The following ZBTB10 variants were observed in gnomAD, a reference collection of about 807,000 sequenced individuals.
ZBTB10 encodes zinc finger and BTB domain-containing protein 10.
ZBTB10 carries 32 observed loss-of-function variants against 76.4 expected under a neutral mutation model. The ratio of observed to expected loss-of-function variants is 0.42; its 90% confidence interval spans 0.32 to 0.56. The LOEUF is 0.56. ZBTB10 is among the 20% of genes least tolerant of loss of function. The pLI, the probability that ZBTB10 is intolerant of heterozygous loss-of-function variation, is 0.14. For missense variants in ZBTB10, 1,057 were observed against 1,098.5 expected (o/e 0.96, Z 0.53); for synonymous variants, 523 against 432.9 (o/e 1.21, Z -2.58).
chr8:80,501,222 C>A (rs1815916734), intron 2 of ZBTB10, among the ~76,000 whole-genome samples: 3 of 152,170 alleles, frequency 2.0e-5, no homozygotes. Context: ...TCCACTGTCA[C>A]CTGATTTTCA....
At chr8:80,513,842 AAG>A in intron 2 of ZBTB10, 66 bp from the exon 3 acceptor site, 1 of 1,221,954 alleles carries the variant, frequency 8.2e-7, no homozygotes. Context: ...AGTTCCAAGA[AAG>A]AGTGGTGTTT....
In ZBTB10 at chr8:80,486,991, C is replaced by G; in HGVS notation, c.181C>G (p.Arg61Gly). The change falls in exon 1 of 6, where the codon CGG becomes GGG. Residue 61 changes from arginine (R) to glycine (G), a missense_variant. This residue lies in a region of ZBTB10 where 556 missense variants were observed against 451.7 expected (regional missense o/e 1.23). Coordinates refer to ENST00000455036, the MANE Select transcript of ZBTB10 (RefSeq NM_001105539.3). Reference sequence around the variant, plus strand: ...GCCCGCGCTTCAGCCGCCTAATGGGCGGGGGGCCGACGAGGAAGTGGAATT... The same window carrying G: ...GCCCGCGCTTCAGCCGCCTAATGGGGGGGGGGCCGACGAGGAAGTGGAATT... Reference protein sequence around the residue: ...APPALQPPNGRGADEEVELEG... With the variant: ...APPALQPPNGGGADEEVELEG... 1 of 1,513,760 alleles carries G rather than the reference C, an allele frequency of 6.6e-7. No homozygotes were observed. The highest frequency in any genetic ancestry group is 8.8e-7 in the Non-Finnish European group (1 of 1,136,188). 93.8% of individuals were successfully genotyped at this position (1,513,760 alleles called of 1,614,324 possible). A position where few individuals can be genotyped will look rare whatever the true frequency, so the allele number is the denominator to read the frequency against.
chr8:80,511,703 A>G (rs1479034503), intron 2 of ZBTB10, among the ~76,000 whole-genome samples: 2 of 152,204 alleles, frequency 1.3e-5, no homozygotes, highest in Non-Finnish European at 2.9e-5. Context: ...ACTAAATTTC[A>G]ATTAAATATT....
chr8:80,519,583 A>G lies in ZBTB10; in HGVS notation c.*55A>G, dbSNP rs923526259. On this transcript the variant is annotated 3_prime_UTR_variant, in exon 6 of 6. Coordinates refer to ENST00000455036, the MANE Select transcript of ZBTB10 (RefSeq NM_001105539.3). ...CATTTGGACCTAATATGAATCGACAATTTGGATTGTTGAACTTGAAGGCTT... is the reference window on the plus strand; with the variant it reads ...CATTTGGACCTAATATGAATCGACAGTTTGGATTGTTGAACTTGAAGGCTT... 1.5e-5 allele frequency: 23 copies of G among 1,501,458 alleles called. No individual in the cohort carries two copies. The highest frequency in any genetic ancestry group is 2.8e-5 in the African/African-American group (2 of 72,376). The allele number at this position is 1,501,458 out of a possible 1,614,324, so 93.0% of individuals were successfully genotyped here. A position where few individuals can be genotyped will look rare whatever the true frequency, so the allele number is the denominator to read the frequency against.
rs1015291650 is a variant in ZBTB10, at chr8:80,522,232, TAAGAA to T, written c.*2705_*2709del. ...AAAATTTCAGGAAGTTGATAGATAC[TAAGAA>T]CTTATGATTGGTCTCAGAGGTAACA... On this transcript the variant is annotated 3_prime_UTR_variant, in exon 6 of 6. Transcript: ENST00000455036. 2 of 151,978 alleles carry T rather than the reference TAAGAA, an allele frequency of 1.3e-5. No individual in the cohort carries two copies. The highest frequency in any genetic ancestry group is 2.9e-5 in the Non-Finnish European group (2 of 67,862). The allele number at this position is 151,978 out of a possible 1,614,324, so 9.4% of individuals were successfully genotyped here.
chr8:80,503,771 A>G (rs1815983010), intron 2 of ZBTB10, among the ~76,000 whole-genome samples: 1 of 152,140 alleles, frequency 6.6e-6, no homozygotes. Context: ...TGATCTGCCC[A>G]CTTTGGCCTC....
rs778809644 is a variant in ZBTB10, at chr8:80,500,302, C to T, written c.1781C>T (p.Thr594Met). The change falls in exon 2 of 6, where the codon ACG becomes ATG. Residue 594 changes from threonine (T) to methionine (M), a missense_variant. Around this residue, in one of 5 missense-constraint regions of ZBTB10, gnomAD observed 306 missense variants for 297.5 expected, o/e 1.03. Transcript: ENST00000455036. ...TATAATATTCCACCTAATAATGAAACGAATTTAGAAGATTGCTCAGTAATG... is the reference window on the plus strand; with the variant it reads ...TATAATATTCCACCTAATAATGAAATGAATTTAGAAGATTGCTCAGTAATG... ...FIYNIPPNNE[T>M]NLEDCSVMQP... The T allele has an allele frequency of 5.8e-5, 91 of 1,580,080 alleles. No homozygotes were observed. Among genetic ancestry groups the T allele is most frequent in the East Asian group, 1.8e-4 (8 of 43,392 alleles).
rs1815562662 is a variant in ZBTB10 at position 80,489,233 on chromosome 8, T to C, written c.972+1451T>C. On this transcript the variant is annotated intron_variant, in intron 1 of 5. Coordinates refer to ENST00000455036, the MANE Select transcript of ZBTB10 (RefSeq NM_001105539.3). Reference sequence around the variant, plus strand: ...TAACTAGCTTTGTGAGCTTGGGCAATAGAGTGAAATGGAACTAACAGCTCC... The same window carrying C: ...TAACTAGCTTTGTGAGCTTGGGCAACAGAGTGAAATGGAACTAACAGCTCC... Among the ~76,000 whole-genome samples the C allele has an allele frequency of 3.9e-5, 6 of 152,174 alleles. No individual in the cohort carries two copies. The South Asian group carries it at 1.2e-3, about 32-fold the overall frequency.
rs749504019 is a variant in ZBTB10, at chr8:80,487,150, C to G, written c.340C>G (p.Leu114Val). 1 of 1,515,976 alleles carries G rather than the reference C, an allele frequency of 6.6e-7. No homozygotes were observed. The highest frequency in any genetic ancestry group is 8.8e-7 in the Non-Finnish European group (1 of 1,134,662). The allele number at this position is 1,515,976 out of a possible 1,614,324, so 93.9% of individuals were successfully genotyped here. A position where few individuals can be genotyped will look rare whatever the true frequency, so the allele number is the denominator to read the frequency against. The change falls in exon 1 of 6, where the codon CTG becomes GTG. Residue 114 changes from leucine (L) to valine (V), a missense_variant. This residue lies in a region of ZBTB10 where 556 missense variants were observed against 451.7 expected (regional missense o/e 1.23). Transcript: ENST00000455036. The part of the protein sequence containing the change: ...TSLGGGAGGP[L>V]LAERNRRTLA... The stretch of plus-strand genomic sequence containing the variant: ...GCTTGGCGGTGGCGCGGGGGGCCCC[C>G]TGCTAGCGGAAAGGAACCGTCGGAC...
At chr8:80,509,161 C>T (rs1340528289) in intron 2 of ZBTB10, among the ~76,000 whole-genome samples, 1 of 152,020 alleles carries the variant, frequency 6.6e-6, no homozygotes, top group Non-Finnish European at 1.5e-5. Context: ...TTACTCTCCA[C>T]TGAAAGGAGA....
At chr8:80,508,043 T>C (rs963901216) in intron 2 of ZBTB10, among the ~76,000 whole-genome samples, 4 of 152,246 alleles carry the variant, frequency 2.6e-5, no homozygotes, top group Non-Finnish European at 5.9e-5. Flanking sequence ...GTTTCCCCTT[T>C]TGCTGTGCTT....
intron 1 of ZBTB10, among the ~76,000 whole-genome samples, chr8:80,498,529 A>G (rs779954225): frequency 6.6e-5 from 10 of 152,202 alleles, no homozygotes; most frequent in Non-Finnish European, 1.2e-4. Context: ...AAAGTGCTGG[A>G]GGGATATTCA....
In ZBTB10 at chr8:80,525,057, A is replaced by G. The variant is rs769258152; in HGVS notation, c.*5529A>G. 1.1e-4 allele frequency: 16 copies of G among 152,104 alleles called. No individual in the cohort carries two copies. The highest frequency in any genetic ancestry group is 3.1e-4 in the African/African-American group (13 of 41,430). The allele number at this position is 152,104 out of a possible 1,614,324, so 9.4% of individuals were successfully genotyped here. ...GGACGAAGGATGTTTTGACACTAAAAAGGACATAATTTAGGAAATTAAGAA... is the reference window on the plus strand; with the variant it reads ...GGACGAAGGATGTTTTGACACTAAAGAGGACATAATTTAGGAAATTAAGAA... On this transcript the variant is annotated 3_prime_UTR_variant, in exon 6 of 6. Coordinates refer to ENST00000455036, the MANE Select transcript of ZBTB10 (RefSeq NM_001105539.3).
At chr8:80,485,772 C>A (rs961745194), upstream of ZBTB10, 2 of 1,533,978 alleles carry the variant, frequency 1.3e-6, no homozygotes, top group Non-Finnish European at 1.7e-6. Context: ...CACCGCCACC[C>A]ACCCTCAGCA....
At chr8:80,507,502 C>T (rs1816090105) in intron 2 of ZBTB10, among the ~76,000 whole-genome samples, 1 of 151,966 alleles carries the variant, frequency 6.6e-6, no homozygotes, top group South Asian at 2.1e-4. Flanking sequence ...GTAGTCCCAG[C>T]TACTTGGGGG....
At chr8:80,489,138 T>C (rs560754323) in intron 1 of ZBTB10, among the ~76,000 whole-genome samples, 24 of 152,298 alleles carry the variant, frequency 1.6e-4, no homozygotes, top group African/African-American at 5.8e-4. Flanking sequence ...CTAGAGCCTG[T>C]AAGGAATGTC....
chr8:80,497,735 T>G (rs564350549), intron 1 of ZBTB10, among the ~76,000 whole-genome samples: 83 of 140,540 alleles, frequency 5.9e-4, no homozygotes, highest in African/African-American at 2.1e-3. Context: ...TTGCCCAGAC[T>G]GGAGTGCAGT....
intron 1 of ZBTB10, 37 bp downstream of exon 1, chr8:80,487,819 T>G (rs1179395930): frequency 6.6e-7 from 1 of 1,518,610 alleles, no homozygotes; most frequent in Non-Finnish European, 8.8e-7. Flanking sequence ...TTGAGATCTT[T>G]TAGGGAAAGG....
intron 2 of ZBTB10, among the ~76,000 whole-genome samples, chr8:80,508,738 C>T (rs867118504): frequency 2.0e-5 from 3 of 151,894 alleles, no homozygotes. Context: ...ATAAGTGGGT[C>T]GAAGAATAGA....
Sources: allele counts gnomAD v4.1 joint callset (sites outside exome capture counted in the v4.1 genomes callset), GRCh38; gene constraint gnomAD v4.1.1; regional missense constraint gnomAD v4.1.1; transcripts MANE v1.5; gene names NCBI Gene and HGNC (gene_info 2026-07-23, HGNC 2026-07-21).